Variants in NRXN3 observed in about 807,000 individuals in gnomAD.
The protein encoded by NRXN3 is neurexin 3, also known as neurexin III.
NRXN3 carries 32 observed loss-of-function variants against 137.6 expected under a neutral mutation model. That is an observed-to-expected ratio of 0.23 (90% CI 0.18 to 0.31). NRXN3 has a LOEUF of 0.31. Among genes scored for constraint, NRXN3 ranks in the 10% least tolerant of loss-of-function variants. The pLI is 1.00. For missense variants in NRXN3, 1,574 were observed against 2,062.5 expected (o/e 0.76, Z 4.59); for synonymous variants, 798 against 784.5 (o/e 1.02, Z -0.29).
Position 79,311,515 on chromosome 14 carries a change from G to A in NRXN3, c.3263-155706G>A, listed in dbSNP as rs1333518967. On this transcript the variant is annotated intron_variant, in intron 15 of 20. Transcript: ENST00000335750. Reference sequence around the variant, plus strand: ...AATAGTTTCAGAAGGAATGGTACCAGTTCCTCCTTGTACCTCTGGTAGAAT... The same window carrying A: ...AATAGTTTCAGAAGGAATGGTACCAATTCCTCCTTGTACCTCTGGTAGAAT... 1.4e-4 allele frequency among the ~76,000 whole-genome samples: 11 copies of A among 80,216 alleles called. No homozygotes were observed. The Admixed American group carries it at 1.8e-3, about 13-fold the overall frequency. 52.6% of individuals were successfully genotyped at this position (80,216 alleles called of 152,430 possible).
chr14:79,298,023 A>G (rs1488304356), intron 15 of NRXN3, among the ~76,000 whole-genome samples: 1 of 152,072 alleles, frequency 6.6e-6, no homozygotes, highest in Non-Finnish European at 1.5e-5. Flanking sequence ...CATGTAGTTC[A>G]TCAGTTCAGA....
chr14:78,222,358 C>A (rs1285876870), intron 1 of NRXN3, among the ~76,000 whole-genome samples: 1 of 151,490 alleles, frequency 6.6e-6, no homozygotes, highest in East Asian at 1.9e-4. Context: ...ACACACACAG[C>A]TGCTAGAAGA....
At chr14:79,747,951 GACA>G (rs2098984707) in intron 19 of NRXN3, among the ~76,000 whole-genome samples, 1 of 151,792 alleles carries the variant, frequency 6.6e-6, no homozygotes, top group Non-Finnish European at 1.5e-5. Context: ...CTCTAAATAA[GACA>G]ACAAATGGAA....
chr14:79,715,375 A>C (rs977533555), intron 19 of NRXN3, among the ~76,000 whole-genome samples: 3 of 152,218 alleles, frequency 2.0e-5, no homozygotes, highest in Non-Finnish European at 2.9e-5. Flanking sequence ...AGAGAGACCC[A>C]GGTGGTGATG....
chr14:78,329,953 A>C (rs1368082342), intron 4 of NRXN3, among the ~76,000 whole-genome samples: 1 of 152,186 alleles, frequency 6.6e-6, no homozygotes, highest in Non-Finnish European at 1.5e-5. Context: ...AATTACACAT[A>C]CAATGGTTAT....
intron 8 of NRXN3, among the ~76,000 whole-genome samples, chr14:78,740,857 ATATTT>A (rs1247477548): frequency 1.3e-5 from 2 of 151,958 alleles, no homozygotes; most frequent in African/African-American, 2.4e-5. Context: ...GTTAGCTCTG[ATATTT>A]TAATTTAATA....
intron 15 of NRXN3, among the ~76,000 whole-genome samples, chr14:79,033,475 T>A (rs2099611034): frequency 6.6e-6 from 1 of 152,054 alleles, no homozygotes; most frequent in Admixed American, 6.6e-5. Context: ...GGCAGGTGTC[T>A]TCATGGAACT....
chr14:78,788,706 A>C (rs2098796525), intron 8 of NRXN3, among the ~76,000 whole-genome samples: 1 of 152,200 alleles, frequency 6.6e-6, no homozygotes, highest in Non-Finnish European at 1.5e-5. Context: ...TAGAGGGCCC[A>C]CTATCTCTTA....
intron 15 of NRXN3, among the ~76,000 whole-genome samples, chr14:79,256,733 A>G (rs933680282): frequency 8.5e-5 from 13 of 152,338 alleles, no homozygotes; most frequent in South Asian, 4.1e-4. Context: ...TCGGGTCACA[A>G]TTGAATTTAA....
intron 15 of NRXN3, among the ~76,000 whole-genome samples, chr14:79,345,932 A>G (rs2092852754): frequency 6.6e-6 from 1 of 152,202 alleles, no homozygotes; most frequent in Admixed American, 6.5e-5. Flanking sequence ...AAAATGGCCG[A>G]ACACACAAGA....
chr14:79,296,060 A>G (rs1363134571), intron 15 of NRXN3, among the ~76,000 whole-genome samples: 1 of 152,130 alleles, frequency 6.6e-6, no homozygotes, highest in Non-Finnish European at 1.5e-5. Context: ...ATTTTATTAA[A>G]CATGTAACAT....
In NRXN3 at chr14:79,067,712, G is replaced by A. The variant is rs140624738; in HGVS notation, c.3262+79571G>A. On this transcript the variant is annotated intron_variant, in intron 15 of 20. Coordinates refer to ENST00000335750, the MANE Select transcript of NRXN3 (RefSeq NM_001330195.2). ...CCTTTCTTATAAGGAAGGCAATCAT[G>A]TTGGATTTGAGTCCAGTCTAATGAC... is the stretch of plus-strand genomic sequence containing the variant. 5.9e-5 allele frequency among the ~76,000 whole-genome samples: 9 copies of A among 152,046 alleles called. No homozygotes were observed. In the East Asian group the frequency reaches 1.7e-3, roughly 29 times the overall value.
intron 19 of NRXN3, among the ~76,000 whole-genome samples, chr14:79,801,601 A>C (rs776253588): frequency 5.3e-5 from 8 of 152,112 alleles, no homozygotes; most frequent in Non-Finnish European, 1.2e-4. Context: ...AGGAGTTGGG[A>C]TTCACAGTTG....
At chr14:79,340,017 C>T (rs1215463498) in intron 15 of NRXN3, among the ~76,000 whole-genome samples, 2 of 152,074 alleles carry the variant, frequency 1.3e-5, no homozygotes, top group African/African-American at 4.8e-5. Flanking sequence ...TTTCCTATGT[C>T]CTGTTTTGAG....
chr14:79,807,169 C>A (rs777660805), intron 20 of NRXN3, among the ~76,000 whole-genome samples: 4 of 151,266 alleles, frequency 2.6e-5, no homozygotes, highest in Non-Finnish European at 4.4e-5. Flanking sequence ...AAATGCGGTT[C>A]TCACCATGTT....
chr14:79,736,871 A>C (rs745927175), intron 19 of NRXN3, among the ~76,000 whole-genome samples: 1 of 152,214 alleles, frequency 6.6e-6, no homozygotes, highest in African/African-American at 2.4e-5. Context: ...AATAAGGCTT[A>C]TTAATAACAA....
intron 16 of NRXN3, among the ~76,000 whole-genome samples, chr14:79,519,193 C>CA (rs386381935): frequency 1.2e-4 from 18 of 151,872 alleles, no homozygotes; most frequent in African/African-American, 4.1e-4. Flanking sequence ...CTCTATCTCC[C>CA]AAGTTTTCAT....
intron 15 of NRXN3, among the ~76,000 whole-genome samples, chr14:79,082,483 T>A (rs1432742915): frequency 6.6e-6 from 1 of 151,672 alleles, no homozygotes; most frequent in Non-Finnish European, 1.5e-5. Context: ...GTTCTCAGAA[T>A]CATAGCACCA....
Position 79,034,071 on chromosome 14 carries a change from C to A in NRXN3, c.3262+45930C>A, listed in dbSNP as rs60009119. Among the ~76,000 whole-genome samples the A allele has an allele frequency of 8.1e-3, 1,229 of 152,182 alleles. 13 individuals are homozygous for A. The highest frequency in any genetic ancestry group is 0.028 in the African/African-American group (1,150 of 41,526). On this transcript the variant is annotated intron_variant, in intron 15 of 20. Transcript: ENST00000335750. The stretch of plus-strand genomic sequence containing the variant: ...TGACTTTAGGATTTCTTATCACCCA[C>A]TTCAAAAACCCCAGGGTCACTTAAT...
Sources: gnomAD v4.1 joint callset for allele counts (sites outside exome capture counted in the v4.1 genomes callset) on GRCh38, gnomAD v4.1.1 for gene constraint, MANE v1.5 for transcripts, NCBI Gene and HGNC (gene_info 2026-07-23, HGNC 2026-07-21) for gene names.